The following DMD variants were observed in gnomAD, a reference collection of about 807,000 sequenced individuals.
DMD encodes the protein mutant dystrophin.
A neutral mutation model predicts 330.1 loss-of-function variants in DMD; 63 were observed. The ratio of observed to expected loss-of-function variants is 0.19; its 90% CI spans 0.16 to 0.24. DMD has a LOEUF of 0.24. Among genes scored for constraint, DMD ranks in the 10% least tolerant of loss-of-function variants. DMD has a pLI of 1.00. For missense variants in DMD, 3,344 were observed against 2,684.1 expected, an observed-to-expected ratio of 1.25 and a Z score of -5.43; for synonymous variants, 1,223 against 959.8, an observed-to-expected ratio of 1.27 and a Z score of -5.07.
At chrX:32,694,414 C>G (rs2063498369) in intron 9 of DMD, among the ~76,000 whole-genome samples, 2 of 111,773 alleles carry the variant, frequency 1.8e-5, no homozygotes, top group Non-Finnish European at 3.8e-5. Flanking sequence ...CCTGTTCCTT[C>G]TACAGTCTCA....
intron 47 of DMD, among the ~76,000 whole-genome samples, chrX:31,881,017 T>C (rs1450482099): frequency 9.0e-6 from 1 of 111,591 alleles, no homozygotes; most frequent in Non-Finnish European, 1.9e-5. Flanking sequence ...GTGATATTGA[T>C]GATCCTGACC....
At chrX:32,558,934 T>TTTTC (rs2050640838) in intron 16 of DMD, among the ~76,000 whole-genome samples, 1 of 79,241 alleles carries the variant, frequency 1.3e-5, no homozygotes, top group African/African-American at 4.7e-5. Context: ...TAACTTCAAA[T>TTTTC]TTTCTTTTTT....
chrX:32,421,434 A>G (rs2098189102), intron 29 of DMD, among the ~76,000 whole-genome samples: 1 of 104,616 alleles, frequency 9.6e-6, no homozygotes, highest in South Asian at 3.8e-4. Flanking sequence ...AACATGGTGT[A>G]TGGAACAGCT....
intron 41 of DMD, among the ~76,000 whole-genome samples, chrX:32,339,740 C>G (rs2097732100): frequency 8.9e-6 from 1 of 112,068 alleles, no homozygotes; most frequent in African/African-American, 3.2e-5. Flanking sequence ...CTCTCACATA[C>G]TAAGCATTTT....
intron 2 of DMD, among the ~76,000 whole-genome samples, chrX:32,968,599 T>C (rs1381690849): frequency 8.9e-6 from 1 of 111,858 alleles, no homozygotes; most frequent in Non-Finnish European, 1.9e-5. Flanking sequence ...GAATGAATGT[T>C]TGTGTCCACC....
intron 7 of DMD, among the ~76,000 whole-genome samples, chrX:32,777,277 T>TGGGGGGGGGGGGGGGGTGGGGG (rs546914107): frequency 9.5e-4 from 2 of 2,113 alleles, no homozygotes; most frequent in African/African-American, 3.1e-3. Context: ...GGTTTCTGGT[T>TGGGGGGGGGGGGGGGGTGGGGG]GGGGGGGGAA....
chrX:32,087,596 C>G (rs2096448625), intron 44 of DMD, among the ~76,000 whole-genome samples: 1 of 111,903 alleles, frequency 8.9e-6, no homozygotes, highest in African/African-American at 3.2e-5. Context: ...TAGTCCGAGT[C>G]AATCAGACCT....
chrX:32,195,228 G>A (rs891712547), intron 44 of DMD, among the ~76,000 whole-genome samples: 1 of 111,528 alleles, frequency 9.0e-6, no homozygotes, highest in Non-Finnish European at 1.9e-5. Context: ...ATGAGGGCTG[G>A]GGAAGGGGAA....
At chrX:32,010,203 T>A (rs1366913331) in intron 44 of DMD, among the ~76,000 whole-genome samples, 2 of 111,929 alleles carry the variant, frequency 1.8e-5, no homozygotes, top group African/African-American at 6.5e-5. Flanking sequence ...TTCAGTAACA[T>A]GAAGCACATG....
chrX:31,470,359 T>G (rs772525270), intron 59 of DMD, among the ~76,000 whole-genome samples: 258 of 111,886 alleles, frequency 2.3e-3, no homozygotes, highest in Non-Finnish European at 3.6e-3. Flanking sequence ...GGGGTTTTTG[T>G]GTGGACGTCC....
chrX:31,986,687 G>A (rs1157495576), intron 44 of DMD, among the ~76,000 whole-genome samples: 6 of 112,286 alleles, frequency 5.3e-5, no homozygotes, highest in African/African-American at 1.9e-4. Flanking sequence ...TGGGATTACA[G>A]GCGTGAGCCA....
chrX:31,949,764 A>T (rs941459361), intron 45 of DMD, among the ~76,000 whole-genome samples: 16 of 110,484 alleles, frequency 1.4e-4, no homozygotes, highest in Non-Finnish European at 2.9e-4. Flanking sequence ...CTTTCTAAGA[A>T]TTTTTTCATT....
chrX:32,791,901 G>A (rs1303765194), intron 7 of DMD, among the ~76,000 whole-genome samples: 2 of 111,020 alleles, frequency 1.8e-5, no homozygotes, highest in African/African-American at 6.6e-5. Flanking sequence ...CTCAAAAAGG[G>A]ATACAATTCA....
At chrX:33,263,342 C>A (rs1269149974) in intron 1 of DMD, among the ~76,000 whole-genome samples, 2 of 109,206 alleles carry the variant, frequency 1.8e-5, no homozygotes, top group East Asian at 5.7e-4. Context: ...CTGTTAAAGG[C>A]AAGACTGGAG....
intron 16 of DMD, among the ~76,000 whole-genome samples, chrX:32,550,596 T>C (rs1019555870): frequency 1.8e-5 from 2 of 109,576 alleles, no homozygotes. Flanking sequence ...AATAGCAAAC[T>C]AACCCCAAAG....
intron 55 of DMD, among the ~76,000 whole-genome samples, chrX:31,572,600 A>G (rs1212039240): frequency 8.9e-6 from 1 of 112,356 alleles, no homozygotes; most frequent in Non-Finnish European, 1.9e-5. Context: ...GTGTATAAAT[A>G]CCCCAGCTCC....
chrX:32,827,114 G>A (rs760101842), intron 4 of DMD, among the ~76,000 whole-genome samples: 2 of 92,567 alleles, frequency 2.2e-5, no homozygotes, highest in Admixed American at 1.3e-4. Flanking sequence ...CTAAATAAAT[G>A]TTCATGGTTT....
chrX:32,537,672 A>C (rs1216355509), intron 17 of DMD, among the ~76,000 whole-genome samples: 1 of 111,766 alleles, frequency 8.9e-6, no homozygotes, highest in Non-Finnish European at 1.9e-5. Context: ...AAGAATCAGG[A>C]GTCCGTAAGG....
chrX:33,090,540 T>C (rs1375479306), intron 1 of DMD, among the ~76,000 whole-genome samples: 1 of 109,407 alleles, frequency 9.1e-6, no homozygotes, highest in African/African-American at 3.3e-5. Context: ...AAAGGCTTAA[T>C]TGAGCATTTG....
Sources: gnomAD v4.1 joint callset for allele counts (sites outside exome capture counted in the v4.1 genomes callset) on GRCh38, gnomAD v4.1.1 for gene constraint, MANE v1.5 for transcripts, NCBI Gene and HGNC (gene_info 2026-07-23, HGNC 2026-07-21) for gene names.